Variants in PTPRN2 observed in about 807,000 individuals in gnomAD.
PTPRN2 encodes protein tyrosine phosphatase receptor type N2, also known as receptor-type tyrosine-protein phosphatase N2.
A neutral mutation model predicts 118.8 loss-of-function variants in PTPRN2; 74 were observed. The observed-to-expected ratio is 0.62, with a 90% confidence interval of 0.52 to 0.76. PTPRN2 has a LOEUF of 0.76. Ranked by LOEUF, PTPRN2 falls within the 30% of genes least tolerant of loss-of-function variation. The pLI is 0.00. For missense variants in PTPRN2, 1,481 were observed against 1,394.4 expected (o/e 1.06, Z -0.99); for synonymous variants, 641 against 608.0 (o/e 1.05, Z -0.80).
In PTPRN2 at chr7:157,615,894, G is replaced by C. The variant is rs139771264; in HGVS notation, c.2344+5468C>G. 12 of 326,576 alleles carry C rather than the reference G, an allele frequency of 3.7e-5. No individual in the cohort carries two copies. Among genetic ancestry groups the C allele is most frequent in the South Asian group, 3.1e-4 (12 of 38,948 alleles). The allele number at this position is 326,576 out of a possible 1,614,324, so 20.2% of individuals were successfully genotyped here. On this transcript the variant is annotated intron_variant, in intron 15 of 22. Transcript: ENST00000389418. This position sits in a 1 kb window ranked among gnomAD's most constrained non-coding sequence, Gnocchi z 4.3. ...AAAGACTCTGGATGTTAGTGGGTTC[G>C]GCCTCAGAATCAGCCGGCGCTGAGA...
intron 12 of PTPRN2, among the ~76,000 whole-genome samples, chr7:157,846,375 T>C (rs942521371): frequency 5.3e-5 from 8 of 151,958 alleles, no homozygotes; most frequent in African/African-American, 1.7e-4. Flanking sequence ...GAGAACTCGG[T>C]ATCATTATGA....
intron 5 of PTPRN2, among the ~76,000 whole-genome samples, chr7:158,180,107 C>T (rs911752129): frequency 6.6e-6 from 1 of 152,248 alleles, no homozygotes; most frequent in Admixed American, 6.5e-5. Flanking sequence ...CTTTCCTGGG[C>T]AAAGCCAAGA....
At chr7:157,982,979 C>CT (rs1803423460) in intron 11 of PTPRN2, among the ~76,000 whole-genome samples, 1 of 29,196 alleles carries the variant, frequency 3.4e-5, no homozygotes, top group African/African-American at 1.5e-4. Flanking sequence ...AGTGCAGGGT[C>CT]CCCCCCAAAC....
intron 12 of PTPRN2, among the ~76,000 whole-genome samples, chr7:157,887,633 CATACCCACTCCCCA>C (rs1563209880): frequency 6.6e-4 from 46 of 70,064 alleles, no homozygotes; most frequent in Admixed American, 1.1e-3. Flanking sequence ...ACCCAACCCC[CATACCCACTCCCCA>C]GTACCCACTC....
chr7:157,702,046 C>G (rs61386737), intron 12 of PTPRN2, among the ~76,000 whole-genome samples: 6,384 of 148,384 alleles, frequency 0.043, 286 homozygotes, highest in East Asian at 0.21. Context: ...AAAGCCCGGT[C>G]GGTGCTGGTG....
intron 3 of PTPRN2, among the ~76,000 whole-genome samples, chr7:158,280,420 G>A (rs949086129): frequency 5.3e-5 from 8 of 152,330 alleles, no homozygotes; most frequent in South Asian, 2.1e-4. Context: ...GGCAGGAGCC[G>A]CGGCTCTACC....
chr7:158,342,629 A>T (rs1355637153), intron 2 of PTPRN2, among the ~76,000 whole-genome samples: 1 of 152,216 alleles, frequency 6.6e-6, no homozygotes, highest in Non-Finnish European at 1.5e-5. Context: ...TACAGACATC[A>T]CTCACACAGT....
intron 2 of PTPRN2, among the ~76,000 whole-genome samples, chr7:158,378,706 A>AGGGTCG (rs1563220589): frequency 3.3e-5 from 5 of 152,150 alleles, no homozygotes; most frequent in African/African-American, 9.7e-5. Flanking sequence ...GTCCAGGGTC[A>AGGGTCG]ACATCCAACT....
intron 9 of PTPRN2, among the ~76,000 whole-genome samples, chr7:158,128,800 G>C (rs1817910742): frequency 6.6e-6 from 1 of 152,110 alleles, no homozygotes; most frequent in African/African-American, 2.4e-5. Flanking sequence ...CCTACCCCGG[G>C]GCAGGGATGG....
chr7:157,759,379 G>C (rs2151003492), intron 12 of PTPRN2, among the ~76,000 whole-genome samples: 1 of 152,350 alleles, frequency 6.6e-6, no homozygotes, highest in African/African-American at 2.4e-5. Context: ...TTCCTGGATG[G>C]ACTGGCTCCT....
At chr7:158,500,434 T>C (rs1414383811) in intron 1 of PTPRN2, among the ~76,000 whole-genome samples, 2 of 152,244 alleles carry the variant, frequency 1.3e-5, no homozygotes, top group Admixed American at 6.5e-5. Flanking sequence ...GAAAAACTAC[T>C]TAAAACTCTG....
intron 3 of PTPRN2, among the ~76,000 whole-genome samples, chr7:158,279,982 C>G (rs192175495): frequency 6.6e-6 from 1 of 152,062 alleles, no homozygotes; most frequent in Non-Finnish European, 1.5e-5. Context: ...TCCAGAGCCC[C>G]GGACGGCCCC....
At chr7:158,339,930 A>G (rs372436076) in intron 2 of PTPRN2, among the ~76,000 whole-genome samples, 1 of 102,150 alleles carries the variant, frequency 9.8e-6, no homozygotes, top group East Asian at 3.1e-4. Context: ...CACTCTCACC[A>G]TAAGAGCTGT....
At chr7:157,774,523 C>A (rs575612570) in intron 12 of PTPRN2, among the ~76,000 whole-genome samples, 17 of 152,354 alleles carry the variant, frequency 1.1e-4, no homozygotes, top group African/African-American at 4.1e-4. Context: ...AAATGGTAAG[C>A]CCCCCATCTC....
chr7:157,937,130 C>A (rs1389429988), intron 11 of PTPRN2, among the ~76,000 whole-genome samples: 2 of 152,190 alleles, frequency 1.3e-5, no homozygotes, highest in Non-Finnish European at 2.9e-5. Flanking sequence ...CACCGTGGGT[C>A]TGACAATATC....
At chr7:157,553,485 C>A (rs1055165942) in intron 21 of PTPRN2, among the ~76,000 whole-genome samples, 3 of 152,178 alleles carry the variant, frequency 2.0e-5, no homozygotes, top group African/African-American at 7.2e-5. Flanking sequence ...CGTCGTCGTC[C>A]TCACATAAAA....
intron 11 of PTPRN2, among the ~76,000 whole-genome samples, chr7:157,969,006 G>A (rs369936294): frequency 3.3e-4 from 51 of 152,324 alleles, no homozygotes; most frequent in South Asian, 1.9e-3. Flanking sequence ...ATTTCCTTTT[G>A]AAATGTATAC....
chr7:158,475,759 C>A (rs951748910), intron 2 of PTPRN2, among the ~76,000 whole-genome samples: 12 of 152,194 alleles, frequency 7.9e-5, no homozygotes, highest in African/African-American at 2.2e-4. Context: ...CACCTGGAGA[C>A]CGTCTTGGTT....
At chr7:157,595,371 G>A (rs1343686824) in intron 16 of PTPRN2, 56 bp from the exon 17 acceptor site, 16 of 1,524,520 alleles carry the variant, frequency 1.0e-5, no homozygotes, top group Non-Finnish European at 1.5e-5. Flanking sequence ...AAGCCTGGAG[G>A]TTAGGAAGCC....
Sources: allele counts gnomAD v4.1 joint callset (sites outside exome capture counted in the v4.1 genomes callset), GRCh38; gene constraint gnomAD v4.1.1; non-coding constraint Gnocchi (gnomAD v3.1); transcripts MANE v1.5; gene names NCBI Gene and HGNC (gene_info 2026-07-23, HGNC 2026-07-21).